The following ABHD3 variants were observed in gnomAD, a reference collection of about 807,000 sequenced individuals.
ABHD3 encodes abhydrolase domain containing 3, phospholipase.
In ABHD3, 46 loss-of-function variants were observed where a neutral mutation model predicts 48.8. The observed-to-expected ratio is 0.94, with a 90% CI of 0.74 to 1.20. ABHD3 has a LOEUF of 1.20. Ranked by LOEUF, ABHD3 falls within the 50% of genes most tolerant of loss-of-function variation. ABHD3 has a pLI of 0.00. For missense variants in ABHD3, 490 were observed against 497.8 expected (o/e 0.98, Z 0.15); for synonymous variants, 192 against 183.7 (o/e 1.04, Z -0.36).
intron 3 of ABHD3, among the ~76,000 whole-genome samples, chr18:21,694,496 G>GT (rs1224751074): frequency 6.6e-6 from 1 of 152,208 alleles, no homozygotes; most frequent in Non-Finnish European, 1.5e-5. Flanking sequence ...CTTGCTACCA[G>GT]TAGGTGGGCT....
intron 1 of ABHD3, 187 bp from the exon 2 acceptor site, chr18:21,703,934 G>A (rs990797812): frequency 8.4e-6 from 5 of 593,134 alleles, no homozygotes; most frequent in Non-Finnish European, 8.9e-6. Flanking sequence ...GCCCCGAGGG[G>A]AAGGCGAGAA....
chr18:21,680,646 C>T (rs993138316), intron 4 of ABHD3, among the ~76,000 whole-genome samples: 4 of 152,086 alleles, frequency 2.6e-5, no homozygotes, highest in Admixed American at 6.5e-5. Flanking sequence ...GCTACTCTTA[C>T]GTTACTTAGA....
intron 3 of ABHD3, among the ~76,000 whole-genome samples, chr18:21,694,869 T>C (rs1412174861): frequency 6.6e-6 from 1 of 152,136 alleles, no homozygotes; most frequent in African/African-American, 2.4e-5. Context: ...CTCCATAAAA[T>C]GACCCTTTTG....
At chr18:21,659,462 G>T in intron 5 of ABHD3, 119 bp from the exon 6 acceptor site, 2 of 944,244 alleles carry the variant, frequency 2.1e-6, no homozygotes, top group Non-Finnish European at 3.1e-6. Context: ...TAGTGTTTAA[G>T]TCCTCTATCC....
intron 3 of ABHD3, among the ~76,000 whole-genome samples, chr18:21,691,927 T>C (rs557956740): frequency 6.6e-6 from 1 of 152,322 alleles, no homozygotes; most frequent in Admixed American, 6.5e-5. Context: ...AAATCATATG[T>C]TTATCTGTAA....
chr18:21,650,930 A>C lies in ABHD3; in HGVS notation c.*661T>G, dbSNP rs2039208600. The C allele has an allele frequency of 6.6e-6, 1 of 152,208 alleles. No individual in the cohort carries two copies. The highest frequency in any genetic ancestry group is 1.5e-5 in the Non-Finnish European group (1 of 68,040). 9.4% of individuals were successfully genotyped at this position (152,208 alleles called of 1,614,324 possible). ...AAATGGTAGAATTTATTTTAATATAATGATATATATGTGTCCACATATACT... is the reference window on the plus strand; with the variant it reads ...AAATGGTAGAATTTATTTTAATATACTGATATATATGTGTCCACATATACT... On this transcript the variant is annotated 3_prime_UTR_variant, in exon 9 of 9. Coordinates refer to ENST00000289119, the MANE Select transcript of ABHD3 (RefSeq NM_138340.5).
chr18:21,661,450 G>T (rs2039493087), intron 5 of ABHD3, among the ~76,000 whole-genome samples: 1 of 151,866 alleles, frequency 6.6e-6, no homozygotes, highest in Non-Finnish European at 1.5e-5. Flanking sequence ...GGCCAACATA[G>T]CAAAACCCCC....
intron 4 of ABHD3, chr18:21,683,055 G>A (rs577957866): frequency 2.0e-5 from 3 of 152,726 alleles, no homozygotes; most frequent in Admixed American, 6.5e-5. Context: ...CTTATAAAGT[G>A]TTGACATTTG....
intron 3 of ABHD3, among the ~76,000 whole-genome samples, chr18:21,690,823 C>T (rs1045502205): frequency 4.0e-5 from 6 of 151,534 alleles, no homozygotes; most frequent in Non-Finnish European, 7.4e-5. Context: ...GGTGAAACCC[C>T]GTCTCTACTA....
chr18:21,693,855 T>C (rs1031746168), intron 3 of ABHD3, among the ~76,000 whole-genome samples: 4 of 152,226 alleles, frequency 2.6e-5, no homozygotes, highest in African/African-American at 7.2e-5. Context: ...TCTAAGACAT[T>C]GCTTTTAGAT....
intron 4 of ABHD3, among the ~76,000 whole-genome samples, chr18:21,678,243 C>T (rs1271652903): frequency 6.6e-6 from 1 of 152,216 alleles, no homozygotes; most frequent in Non-Finnish European, 1.5e-5. Flanking sequence ...GTATGAGCTA[C>T]TGTGCCTGGC....
intron 5 of ABHD3, among the ~76,000 whole-genome samples, chr18:21,661,613 A>G (rs1466241268): frequency 1.3e-5 from 2 of 152,094 alleles, no homozygotes; most frequent in East Asian, 1.9e-4. Context: ...TCCAGGTGAC[A>G]ATGGGAGACT....
At chr18:21,686,474 A>G (rs1248780637) in intron 3 of ABHD3, among the ~76,000 whole-genome samples, 2 of 152,240 alleles carry the variant, frequency 1.3e-5, no homozygotes, top group Non-Finnish European at 2.9e-5. Context: ...CGGGAAAGAA[A>G]AAGATGATCT....
intron 4 of ABHD3, among the ~76,000 whole-genome samples, chr18:21,668,876 T>C (rs954988198): frequency 6.6e-6 from 1 of 152,188 alleles, no homozygotes; most frequent in Non-Finnish European, 1.5e-5. Context: ...TATAATAGTA[T>C]AGCCGTATAG....
At chr18:21,688,901 C>T (rs531150401) in intron 3 of ABHD3, among the ~76,000 whole-genome samples, 3 of 152,024 alleles carry the variant, frequency 2.0e-5, no homozygotes, top group East Asian at 1.9e-4. Flanking sequence ...AGTGGTTACA[C>T]GGACAGTAAC....
At chr18:21,655,274 G>C (rs1003373300) in intron 8 of ABHD3, among the ~76,000 whole-genome samples, 117 of 148,582 alleles carry the variant, frequency 7.9e-4, no homozygotes, top group Non-Finnish European at 1.5e-3. Flanking sequence ...TGAGGGGAAA[G>C]AGAGAAAAAG....
intron 5 of ABHD3, chr18:21,661,842 T>C (rs1220430812): frequency 2.0e-5 from 3 of 151,420 alleles, no homozygotes; most frequent in African/African-American, 7.3e-5. Context: ...CCAGCTAATT[T>C]TGCATTTTTA....
chr18:21,681,996 G>T (rs1332190149), intron 4 of ABHD3, among the ~76,000 whole-genome samples: 14 of 152,004 alleles, frequency 9.2e-5, no homozygotes, highest in Non-Finnish European at 2.9e-5. Context: ...AATCAGCCAG[G>T]CATGGTGGCA....
chr18:21,663,463 C>CA lies in ABHD3; in HGVS notation c.668+654dup, dbSNP rs1242372311. Among the ~76,000 whole-genome samples the CA allele has an allele frequency of 3.2e-3, 447 of 141,316 alleles. 3 individuals are homozygous for CA. The highest frequency in any genetic ancestry group is 0.011 in the Middle Eastern group (3 of 280). The allele number at this position is 141,316 out of a possible 152,430, so 92.7% of individuals were successfully genotyped here. Reference sequence around the variant, plus strand: ...TTAAGCTCACCATCACTAGAACAACCAAAAAAAAAAACCCCAAAAACAATT... The same window carrying CA: ...TTAAGCTCACCATCACTAGAACAACCAAAAAAAAAAAACCCCAAAAACAATT... On this transcript the variant is annotated intron_variant, in intron 5 of 8. Transcript: ENST00000289119.
Sources: gnomAD v4.1 joint callset for allele counts (sites outside exome capture counted in the v4.1 genomes callset) on GRCh38, gnomAD v4.1.1 for gene constraint, MANE v1.5 for transcripts, NCBI Gene and HGNC (gene_info 2026-07-23, HGNC 2026-07-21) for gene names.